Variants in LGSN observed in about 807,000 individuals in gnomAD.
LGSN encodes lengsin, lens protein with glutamine synthetase domain.
LGSN carries 21 observed loss-of-function variants against 19.5 expected under a neutral mutation model. That is an observed-to-expected ratio of 1.07 (90% CI 0.76 to 1.55). The LOEUF is 1.55. Among genes scored for constraint, LGSN ranks in the 40% most tolerant of loss-of-function variants. The probability of loss-of-function intolerance (pLI) is 0.00; values close to 1 mark genes in which losing one functional copy is unlikely to be tolerated. For missense variants in LGSN, 673 were observed against 608.5 expected (o/e 1.11, Z -1.12); for synonymous variants, 257 against 215.6 (o/e 1.19, Z -1.68).
At chr6:63,485,403 T>C in the LGSN span, among the ~76,000 whole-genome samples, 1 of 152,224 alleles carries the variant, frequency 6.6e-6, no homozygotes, top group Non-Finnish European at 1.5e-5. Flanking sequence ...TCCATGGTGA[T>C]ATGTCCCACA....
chr6:63,469,866 G>A, the LGSN span, among the ~76,000 whole-genome samples: 96 of 152,114 alleles, frequency 6.3e-4, no homozygotes, highest in African/African-American at 2.2e-3. Flanking sequence ...ACAGGCATGC[G>A]CCACCACACC....
chr6:63,406,569 A>C, the LGSN span, among the ~76,000 whole-genome samples: 1 of 150,172 alleles, frequency 6.7e-6, no homozygotes, highest in East Asian at 1.9e-4. Context: ...CCCACAAGAG[A>C]AAGCAGGAAA....
the LGSN span, among the ~76,000 whole-genome samples, chr6:63,483,074 TAAAC>T: frequency 2.6e-5 from 4 of 152,188 alleles, no homozygotes; most frequent in South Asian, 6.2e-4. Context: ...ACTAGAGAGT[TAAAC>T]AAGCCAGATA....
rs759018849 is a variant in LGSN at position 63,285,618 on chromosome 6, C to G, written c.299G>C (p.Arg100Thr). Residue 100 changes from arginine (R) to threonine (T), a missense_variant, in exon 3 of 4, where the codon AGG becomes ACG. Coordinates refer to ENST00000370657, the MANE Select transcript of LGSN (RefSeq NM_016571.3). ...FEATDLHGVS[R>T]SKTIPAHFFQ... ...AAAGTGTGCAGGGATAGTCTTAGAC[C>G]TGGACACGCCGTGGAGGTCTGTTGC... 2.5e-6 allele frequency: 4 copies of G among 1,613,878 alleles called. No homozygotes were observed. Among genetic ancestry groups the G allele is most frequent in the South Asian group, 1.1e-5 (1 of 91,072 alleles).
chr6:63,314,758 G>T (rs550805296), intron 1 of LGSN, among the ~76,000 whole-genome samples: 2 of 152,230 alleles, frequency 1.3e-5, no homozygotes, highest in South Asian at 4.1e-4. Flanking sequence ...GGCTTAAGGA[G>T]AATGGAAATT....
At chr6:63,489,152 G>T in the LGSN span, among the ~76,000 whole-genome samples, 1 of 152,244 alleles carries the variant, frequency 6.6e-6, no homozygotes, top group Admixed American at 6.5e-5. Flanking sequence ...TGTGGGAAAT[G>T]GGCCGTAAAA....
chr6:63,555,662 A>T, the LGSN span, among the ~76,000 whole-genome samples: 3 of 152,088 alleles, frequency 2.0e-5, no homozygotes. Context: ...GAGTCAACAG[A>T]AAGTATGCAA....
In LGSN at chr6:63,278,284, G is replaced by T. The variant is rs1481823766; in HGVS notation, c.*1737C>A. On this transcript the variant is annotated 3_prime_UTR_variant, in exon 4 of 4. Transcript: ENST00000370657. Reference sequence around the variant, plus strand: ...AGAACAGAGGGGAAAATGAACAGAGGGGAATTTTCTAGCAGACAGCTAGAA... The same window carrying T: ...AGAACAGAGGGGAAAATGAACAGAGTGGAATTTTCTAGCAGACAGCTAGAA... 1 of 151,842 alleles carries T rather than the reference G, an allele frequency of 6.6e-6. No homozygotes were observed. The highest frequency in any genetic ancestry group is 6.6e-5 in the Admixed American group (1 of 15,250). The allele number at this position is 151,842 out of a possible 1,614,324, so 9.4% of individuals were successfully genotyped here.
the LGSN span, among the ~76,000 whole-genome samples, chr6:63,522,161 CTATATT>C: frequency 6.6e-6 from 1 of 152,136 alleles, no homozygotes; most frequent in Non-Finnish European, 1.5e-5. Context: ...TATCCCAACT[CTATATT>C]TATGTTTTCT....
the LGSN span, among the ~76,000 whole-genome samples, chr6:63,465,060 C>G: frequency 6.6e-6 from 1 of 150,432 alleles, no homozygotes; most frequent in Admixed American, 6.6e-5. Context: ...AATTATTTTA[C>G]TACCTTTTAC....
chr6:63,326,133 G>C, the LGSN span, among the ~76,000 whole-genome samples: 2 of 152,250 alleles, frequency 1.3e-5, no homozygotes, highest in South Asian at 2.1e-4. Context: ...AGAGTAGCTA[G>C]ATACAGAGTG....
At chr6:63,443,717 C>T in the LGSN span, 4 of 229,784 alleles carry the variant, frequency 1.7e-5, no homozygotes, top group Non-Finnish European at 3.1e-5. Flanking sequence ...GTACTTGAGA[C>T]CTCCTCTTTG....
the LGSN span, chr6:63,441,182 T>C: frequency 4.3e-6 from 1 of 233,914 alleles, no homozygotes; most frequent in Non-Finnish European, 8.6e-6. Context: ...CACTCCAGCC[T>C]GGGCAACAAG....
At chr6:63,327,315 C>T in the LGSN span, among the ~76,000 whole-genome samples, 1 of 152,200 alleles carries the variant, frequency 6.6e-6, no homozygotes, top group Non-Finnish European at 1.5e-5. Context: ...AGGTAAGTAA[C>T]AGCAAGATGG....
the LGSN span, among the ~76,000 whole-genome samples, chr6:63,551,522 T>C: frequency 6.6e-6 from 1 of 152,174 alleles, no homozygotes; most frequent in Non-Finnish European, 1.5e-5. Context: ...AAAACTAGGA[T>C]TCTGTCATAT....
At chr6:63,445,052 C>G in the LGSN span, among the ~76,000 whole-genome samples, 2 of 152,340 alleles carry the variant, frequency 1.3e-5, no homozygotes, top group South Asian at 2.1e-4. Flanking sequence ...TGGCTTTTGC[C>G]TGAATCCCAG....
At chr6:63,412,537 A>AGAAAGAAAGAAG in the LGSN span, among the ~76,000 whole-genome samples, 4 of 109,574 alleles carry the variant, frequency 3.7e-5, no homozygotes, top group African/African-American at 1.1e-4. Context: ...AAGGAAAGAA[A>AGAAAGAAAGAAG]GAAAGAAAGA....
chr6:63,342,274 T>G, the LGSN span, among the ~76,000 whole-genome samples: 1 of 152,246 alleles, frequency 6.6e-6, no homozygotes, highest in Non-Finnish European at 1.5e-5. Context: ...AATTTGATTC[T>G]GTCACTGAGA....
At chr6:63,464,567 A>G in the LGSN span, among the ~76,000 whole-genome samples, 2 of 150,742 alleles carry the variant, frequency 1.3e-5, no homozygotes, top group Admixed American at 6.6e-5. Flanking sequence ...TGTATTAAAT[A>G]TTAATGGAGA....
Sources: gnomAD v4.1 joint callset for allele counts (sites outside exome capture counted in the v4.1 genomes callset) on GRCh38, gnomAD v4.1.1 for gene constraint, MANE v1.5 for transcripts, NCBI Gene and HGNC (gene_info 2026-07-23, HGNC 2026-07-21) for gene names.